Variants in PAM observed in about 807,000 individuals in gnomAD.
The protein encoded by PAM is peptidyl-glycine alpha-amidating monooxygenase.
A neutral mutation model predicts 122.1 loss-of-function variants in PAM; 72 were observed. That is an observed-to-expected ratio of 0.59 (90% CI 0.49 to 0.72). The LOEUF is 0.72. Ranked by LOEUF, PAM falls within the 30% of genes least tolerant of loss-of-function variation. PAM has a pLI of 0.00. For missense variants in PAM, 1,106 were observed against 1,183.7 expected (o/e 0.93, Z 0.96); for synonymous variants, 389 against 404.4 (o/e 0.96, Z 0.46).
chr5:102,968,917 G>C (rs1195323280), intron 14 of PAM, among the ~76,000 whole-genome samples: 2 of 152,120 alleles, frequency 1.3e-5, no homozygotes, highest in South Asian at 4.1e-4. Flanking sequence ...CCATAAAAAA[G>C]GATGAGTTCA....
Position 103,003,084 on chromosome 5 carries a change from A to G in PAM, c.1665A>G (p.Glu555=). 6.2e-7 allele frequency: 1 copy of G among 1,609,492 alleles called. No homozygotes were observed. Among genetic ancestry groups the G allele is most frequent in the Non-Finnish European group, 8.5e-7 (1 of 1,175,920 alleles). The change falls in exon 17 of 26, where the codon GAA becomes GAG. Residue 555 remains glutamate, a synonymous_variant. Coordinates refer to ENST00000438793, the MANE Select transcript of PAM (RefSeq NM_001177306.2). ...AGCAAATAGGACTCGGACCAATTGA[A>G]GAAGACACTATTCTTGTCATAGATC... The part of the protein sequence containing the change: ...VYQQIGLGPI[E]EDTILVIDPN...
chr5:103,012,914 A>C (rs932735388), intron 21 of PAM, among the ~76,000 whole-genome samples: 2 of 150,864 alleles, frequency 1.3e-5, no homozygotes, highest in South Asian at 4.2e-4. Context: ...TGGGTTCTCT[A>C]TGCGATTCCA....
At chr5:102,949,723 G>GACA in intron 10 of PAM, 106 bp downstream of exon 10, 1 of 745,376 alleles carries the variant, frequency 1.3e-6, no homozygotes, top group Non-Finnish European at 2.4e-6. Context: ...CAATGAAAGT[G>GACA]ATTTCATATA....
At chr5:102,795,189 CAAAAAAAAAA>C (rs33988105) in intron 1 of PAM, among the ~76,000 whole-genome samples, 1 of 59,682 alleles carries the variant, frequency 1.7e-5, no homozygotes, top group East Asian at 6.5e-4. Context: ...GACAATGTCT[CAAAAAAAAAA>C]AAAAAAAAAA....
At chr5:102,870,140 C>G (rs1032087617) in intron 3 of PAM, among the ~76,000 whole-genome samples, 1 of 147,868 alleles carries the variant, frequency 6.8e-6, no homozygotes, top group Non-Finnish European at 1.5e-5. Flanking sequence ...AGAAGAGCAA[C>G]AAAATTTAAA....
chr5:103,027,708 G>C (rs1225680101), intron 24 of PAM, among the ~76,000 whole-genome samples: 1 of 152,146 alleles, frequency 6.6e-6, no homozygotes, highest in Non-Finnish European at 1.5e-5. Flanking sequence ...CGTACTGTCA[G>C]TAGAAAGAGT....
At chr5:103,013,237 G>A (rs1276166497) in intron 21 of PAM, among the ~76,000 whole-genome samples, 1 of 151,894 alleles carries the variant, frequency 6.6e-6, no homozygotes, top group Non-Finnish European at 1.5e-5. Context: ...GTCCTCTTCA[G>A]TTTTTTTCAT....
chr5:102,936,673 TTTA>T (rs1753360283), intron 7 of PAM, among the ~76,000 whole-genome samples: 1 of 152,042 alleles, frequency 6.6e-6, no homozygotes, highest in South Asian at 2.1e-4. Flanking sequence ...TATTGTATAT[TTTA>T]TTATTATTTG....
chr5:102,772,706 T>A (rs114670485), intron 1 of PAM, among the ~76,000 whole-genome samples: 1 of 152,134 alleles, frequency 6.6e-6, no homozygotes, highest in Non-Finnish European at 1.5e-5. Context: ...ATTTACAAAT[T>A]AAATGCCAAC....
In PAM at chr5:102,943,105, G is replaced by A. The variant is rs115131019; in HGVS notation, c.527-3732G>A. The stretch of plus-strand genomic sequence containing the variant: ...GAAGGACTTTCCCAATTAGTGGGAC[G>A]TAGTTTATAACAATACATTGGTTCC... On this transcript the variant is annotated intron_variant, in intron 7 of 25. Coordinates refer to ENST00000438793, the MANE Select transcript of PAM (RefSeq NM_001177306.2). Among the ~76,000 whole-genome samples, 1,223 of 152,184 alleles carry A rather than the reference G, an allele frequency of 8.0e-3. 22 individuals carry two copies. The highest frequency in any genetic ancestry group is 0.028 in the African/African-American group (1,142 of 41,516).
At chr5:102,862,169 C>CAA (rs57758540) in intron 1 of PAM, among the ~76,000 whole-genome samples, 206 of 70,262 alleles carry the variant, frequency 2.9e-3, no homozygotes, top group African/African-American at 7.9e-3. Context: ...GACCCTGTCT[C>CAA]AAAAAAAAAA....
intron 15 of PAM, 171 bp downstream of exon 15, chr5:102,974,607 T>G: frequency 3.8e-6 from 2 of 520,080 alleles, no homozygotes; most frequent in Non-Finnish European, 6.7e-6. Context: ...TTGAAGATTT[T>G]TTTTTGTTTT....
chr5:102,852,796 A>C (rs999195400), intron 1 of PAM, among the ~76,000 whole-genome samples: 9 of 152,218 alleles, frequency 5.9e-5, no homozygotes, highest in African/African-American at 1.7e-4. Flanking sequence ...ATTCAATAGA[A>C]TCAAGTAAAA....
At chr5:102,961,443 T>C (rs1762470324) in intron 14 of PAM, among the ~76,000 whole-genome samples, 1 of 151,928 alleles carries the variant, frequency 6.6e-6, no homozygotes, top group African/African-American at 2.4e-5. Flanking sequence ...TTTAGTGCTG[T>C]TTCATTTTCT....
Position 102,844,240 on chromosome 5 carries a change from T to C in PAM, c.-373-21583T>C, listed in dbSNP as rs1024943714. ...ATATGATTCTGTTTATAAAACATTC[T>C]TGAAACAATAAGCTTTTTGAGATGG... is the stretch of plus-strand genomic sequence containing the variant. On this transcript the variant is annotated intron_variant, in intron 1 of 25. Coordinates refer to ENST00000438793, the MANE Select transcript of PAM (RefSeq NM_001177306.2). Among the ~76,000 whole-genome samples the C allele has an allele frequency of 2.6e-5, 4 of 152,348 alleles. No homozygotes were observed. In the South Asian group the frequency reaches 6.2e-4, roughly 24 times the overall value.
At chr5:102,806,932 C>T (rs546472752) in intron 1 of PAM, among the ~76,000 whole-genome samples, 10 of 152,226 alleles carry the variant, frequency 6.6e-5, no homozygotes, top group Admixed American at 3.3e-4. Flanking sequence ...TATACGTTTG[C>T]GCACTATTTA....
chr5:102,953,972 C>A (rs1399033690), intron 12 of PAM, among the ~76,000 whole-genome samples: 1 of 152,058 alleles, frequency 6.6e-6, no homozygotes, highest in Non-Finnish European at 1.5e-5. Flanking sequence ...AAGATCATGC[C>A]ATTGCGCTTC....
chr5:102,930,545 G>A (rs2151790030), intron 7 of PAM, among the ~76,000 whole-genome samples: 1 of 152,316 alleles, frequency 6.6e-6, no homozygotes. Context: ...GACGTTGCTG[G>A]AATGTGAAAT....
chr5:102,985,145 A>T (rs1771344324), intron 15 of PAM, among the ~76,000 whole-genome samples: 1 of 152,078 alleles, frequency 6.6e-6, no homozygotes, highest in South Asian at 2.1e-4. Context: ...GATGTCAAAT[A>T]AGCAACTTAA....
Sources: gnomAD v4.1 joint callset for allele counts (sites outside exome capture counted in the v4.1 genomes callset) on GRCh38, gnomAD v4.1.1 for gene constraint, MANE v1.5 for transcripts, NCBI Gene and HGNC (gene_info 2026-07-23, HGNC 2026-07-21) for gene names.